CAMK1D: variants seen among roughly 807,000 people sequenced by gnomAD.
The protein encoded by CAMK1D is calcium/calmodulin-dependent protein kinase type 1D.
A neutral mutation model predicts 47.7 loss-of-function variants in CAMK1D; 9 were observed. The observed-to-expected ratio is 0.19, with a 90% CI of 0.11 to 0.33. The LOEUF (loss-of-function observed/expected upper bound fraction) is 0.33, where lower values mean the gene tolerates loss of function less well. Among genes scored for constraint, CAMK1D ranks in the 10% least tolerant of loss-of-function variants. CAMK1D has a pLI of 1.00. For missense variants in CAMK1D, 291 were observed against 488.7 expected (o/e 0.60, Z 3.81); for synonymous variants, 184 against 184.9 (o/e 0.99, Z 0.04).
intron 1 of CAMK1D, among the ~76,000 whole-genome samples, chr10:12,441,470 T>A (rs1284028822): frequency 6.6e-6 from 1 of 151,930 alleles, no homozygotes; most frequent in Non-Finnish European, 1.5e-5. Context: ...GTACTGGGAT[T>A]ATAGGTATGA....
At chr10:12,606,283 G>A (rs927395349) in intron 2 of CAMK1D, among the ~76,000 whole-genome samples, 1 of 152,216 alleles carries the variant, frequency 6.6e-6, no homozygotes, top group Non-Finnish European at 1.5e-5. Flanking sequence ...ACTAGGGACA[G>A]ACAGTTCAGG....
chr10:12,694,353 T>TAAA lies in CAMK1D; in HGVS notation c.299+27544_299+27545insAAA, dbSNP rs1181014337. Reference sequence around the variant, plus strand: ...AAGTATATATAATATATAACATATATATGTTATATGTTATATATAAAATAT... The same window carrying TAAA: ...AAGTATATATAATATATAACATATATAAAATGTTATATGTTATATATAAAATAT... On this transcript the variant is annotated intron_variant, in intron 3 of 10. Transcript: ENST00000619168. 3.9e-3 allele frequency among the ~76,000 whole-genome samples: 300 copies of TAAA among 76,366 alleles called. 14 individuals are homozygous for TAAA. The highest frequency in any genetic ancestry group is 9.0e-3 in the South Asian group (18 of 1,996). 50.1% of individuals were successfully genotyped at this position (76,366 alleles called of 152,430 possible).
At chr10:12,370,331 AAAC>A (rs1357810535) in intron 1 of CAMK1D, among the ~76,000 whole-genome samples, 15 of 150,008 alleles carry the variant, frequency 1.0e-4, no homozygotes. Context: ...TAGTGATAAT[AAAC>A]AATGATGTTA....
intron 2 of CAMK1D, among the ~76,000 whole-genome samples, chr10:12,653,763 T>G (rs1363119085): frequency 1.3e-5 from 2 of 152,220 alleles, no homozygotes; most frequent in African/African-American, 4.8e-5. Flanking sequence ...CTTTTACAAT[T>G]GGCTTCCCAC....
intron 3 of CAMK1D, among the ~76,000 whole-genome samples, chr10:12,678,983 G>A (rs573424699): frequency 6.6e-6 from 1 of 152,138 alleles, no homozygotes; most frequent in South Asian, 2.1e-4. Context: ...GGTTGGTCTC[G>A]AACTGCTGAC....
chr10:12,667,395 A>G (rs764749851), intron 3 of CAMK1D, among the ~76,000 whole-genome samples: 1 of 152,234 alleles, frequency 6.6e-6, no homozygotes, highest in African/African-American at 2.4e-5. Flanking sequence ...AACACTGGAG[A>G]TTACCAAAAG....
At chr10:12,413,002 C>A (rs1367872603) in intron 1 of CAMK1D, among the ~76,000 whole-genome samples, 5 of 152,126 alleles carry the variant, frequency 3.3e-5, no homozygotes, top group African/African-American at 1.2e-4. Flanking sequence ...TTCTGGGAGC[C>A]CCAATGTGGG....
intron 3 of CAMK1D, among the ~76,000 whole-genome samples, chr10:12,711,706 A>G (rs1833944053): frequency 6.6e-6 from 1 of 152,192 alleles, no homozygotes; most frequent in Non-Finnish European, 1.5e-5. Flanking sequence ...CCGGAGCCGG[A>G]GTCCTCACAC....
intron 2 of CAMK1D, among the ~76,000 whole-genome samples, chr10:12,604,633 A>AT (rs138564569): frequency 0.011 from 1,701 of 152,266 alleles, 31 homozygotes; most frequent in African/African-American, 0.039. Context: ...TGCAAGTGAT[A>AT]TTTTGAGCAT....
intron 3 of CAMK1D, among the ~76,000 whole-genome samples, chr10:12,717,996 T>C (rs112472196): frequency 5.1e-4 from 77 of 152,264 alleles, no homozygotes; most frequent in African/African-American, 1.5e-3. Context: ...TGTGTCATTA[T>C]AGACCTGAAA....
intron 1 of CAMK1D, among the ~76,000 whole-genome samples, chr10:12,536,075 A>G (rs1459755114): frequency 1.3e-5 from 2 of 152,112 alleles, no homozygotes; most frequent in African/African-American, 4.8e-5. Flanking sequence ...TCCTGAAGGC[A>G]CCTTTATCTT....
chr10:12,730,020 G>A (rs1834821093), intron 3 of CAMK1D, among the ~76,000 whole-genome samples: 1 of 152,194 alleles, frequency 6.6e-6, no homozygotes, highest in Non-Finnish European at 1.5e-5. Flanking sequence ...TTTGGACAGA[G>A]GCGAATTGTG....
At chr10:12,650,992 T>C (rs1240701709) in intron 2 of CAMK1D, among the ~76,000 whole-genome samples, 1 of 152,204 alleles carries the variant, frequency 6.6e-6, no homozygotes, top group Non-Finnish European at 1.5e-5. Context: ...TGGATTAAGC[T>C]TCACACATCC....
At chr10:12,352,486 A>G (rs1185248681) in intron 1 of CAMK1D, among the ~76,000 whole-genome samples, 3 of 151,722 alleles carry the variant, frequency 2.0e-5, no homozygotes, top group Non-Finnish European at 4.4e-5. Context: ...GTGTGTGCCT[A>G]TAATTCCAGC....
chr10:12,421,511 C>CTTTT lies in CAMK1D; in HGVS notation c.92+71630_92+71633dup, dbSNP rs71384322. Among the ~76,000 whole-genome samples the CTTTT allele has an allele frequency of 8.6e-3, 437 of 50,754 alleles. 53 individuals carry two copies. Among genetic ancestry groups the CTTTT allele is most frequent in the African/African-American group, 0.011 (130 of 11,816 alleles). The allele number at this position is 50,754 out of a possible 152,430, so 33.3% of individuals were successfully genotyped here. On this transcript the variant is annotated intron_variant, in intron 1 of 10. Transcript: ENST00000619168. The stretch of plus-strand genomic sequence containing the variant: ...CATGCTGGGCCATTTATCCAGGATT[C>CTTTT]TTTTTTTTTTTTTTTTTTTTTTTTT...
chr10:12,474,809 C>T (rs1833854705), intron 1 of CAMK1D, among the ~76,000 whole-genome samples: 1 of 152,052 alleles, frequency 6.6e-6, no homozygotes, highest in African/African-American at 2.4e-5. Flanking sequence ...CATGTGTTCT[C>T]ATGATTTAGC....
intron 1 of CAMK1D, among the ~76,000 whole-genome samples, chr10:12,450,858 G>A (rs1166695981): frequency 1.3e-5 from 2 of 152,214 alleles, no homozygotes; most frequent in Admixed American, 1.3e-4. Context: ...AATAAAAGAA[G>A]GATGAAAAAC....
intron 1 of CAMK1D, among the ~76,000 whole-genome samples, chr10:12,354,306 G>T (rs941269942): frequency 6.6e-6 from 1 of 152,052 alleles, no homozygotes; most frequent in Non-Finnish European, 1.5e-5. Context: ...GAGGGGTTTT[G>T]TGGCCTGTGG....
rs537642509 is a variant in CAMK1D at position 12,446,704 on chromosome 10, A to T, written c.92+96794A>T. On this transcript the variant is annotated intron_variant, in intron 1 of 10. Coordinates refer to ENST00000619168, the MANE Select transcript of CAMK1D (RefSeq NM_153498.4). Reference sequence around the variant, plus strand: ...AAGTCTGGATAGTAGCCATGATATAAATCCTTTCTCTTTTTGCAGTTGGAG... The same window carrying T: ...AAGTCTGGATAGTAGCCATGATATATATCCTTTCTCTTTTTGCAGTTGGAG... Among the ~76,000 whole-genome samples, 240 of 152,216 alleles carry T rather than the reference A, an allele frequency of 1.6e-3. 1 individual carries two copies. Among genetic ancestry groups the T allele is most frequent in the African/African-American group, 5.4e-3 (226 of 41,522 alleles).
Sources: gnomAD v4.1 joint callset for allele counts (sites outside exome capture counted in the v4.1 genomes callset) on GRCh38, gnomAD v4.1.1 for gene constraint, MANE v1.5 for transcripts, NCBI Gene and HGNC (gene_info 2026-07-23, HGNC 2026-07-21) for gene names.